Variants in PCDH15 observed in about 807,000 individuals in gnomAD.
PCDH15 encodes protocadherin related 15, also known as protocadherin-15.
PCDH15 carries 129 observed loss-of-function variants against 178.5 expected under a neutral mutation model. The ratio of observed to expected loss-of-function variants is 0.72; its 90% confidence interval spans 0.63 to 0.84. The LOEUF (loss-of-function observed/expected upper bound fraction) is 0.84. Among genes scored for constraint, PCDH15 ranks in the 40% least tolerant of loss-of-function variants. The pLI is 0.00. For missense variants in PCDH15, 2,230 were observed against 2,099.9 expected (o/e 1.06, Z -1.21); for synonymous variants, 800 against 732.0 (o/e 1.09, Z -1.50).
chr10:53,891,203 T>G (rs2081533241), intron 26 of PCDH15, among the ~76,000 whole-genome samples: 1 of 152,218 alleles, frequency 6.6e-6, no homozygotes, highest in Non-Finnish European at 1.5e-5. Context: ...AATTTTTATT[T>G]GCCCAATTTA....
intron 1 of PCDH15, among the ~76,000 whole-genome samples, chr10:55,249,873 C>T (rs888665740): frequency 1.3e-5 from 2 of 151,638 alleles, no homozygotes; most frequent in African/African-American, 4.8e-5. Flanking sequence ...AAAGAAAGTG[C>T]AGATTTTAGA....
intron 3 of PCDH15, among the ~76,000 whole-genome samples, chr10:54,485,258 A>G (rs1206584714): frequency 2.0e-5 from 3 of 151,858 alleles, no homozygotes; most frequent in African/African-American, 7.2e-5. Flanking sequence ...AGAAACTTTC[A>G]TTTTACCCTA....
At chr10:55,343,858 G>GA (rs1185597627) in intron 2 of PCDH15, among the ~76,000 whole-genome samples, 3 of 151,968 alleles carry the variant, frequency 2.0e-5, no homozygotes, top group Non-Finnish European at 4.4e-5. Flanking sequence ...TAGAAAAACA[G>GA]AAAAAAACTC....
chr10:54,370,580 G>A (rs1947507740), intron 4 of PCDH15, among the ~76,000 whole-genome samples: 1 of 151,668 alleles, frequency 6.6e-6, no homozygotes, highest in Non-Finnish European at 1.5e-5. Context: ...GTATGATCCA[G>A]GAAAAAGTAC....
At chr10:55,057,980 A>C (rs1039666811) in intron 2 of PCDH15, among the ~76,000 whole-genome samples, 2 of 151,974 alleles carry the variant, frequency 1.3e-5, no homozygotes, top group Non-Finnish European at 2.9e-5. Context: ...TGTTTTATTA[A>C]CTTGGGCCTT....
rs1448450488 is a variant in PCDH15 at position 55,159,911 on chromosome 10, A to G, written c.-80+6665T>C. On this transcript the variant is annotated intron_variant, in intron 2 of 5. Transcript: ENST00000458638. ...GGTTATATTTATTAAGGTGAAAAATAAATATATGAAGTAGTTTGCCTAAAA... is the reference window on the plus strand; with the variant it reads ...GGTTATATTTATTAAGGTGAAAAATGAATATATGAAGTAGTTTGCCTAAAA... 3.3e-5 allele frequency among the ~76,000 whole-genome samples: 5 copies of G among 151,570 alleles called. No individual in the cohort carries two copies. The East Asian group carries it at 9.7e-4, about 29-fold the overall frequency.
intron 3 of PCDH15, among the ~76,000 whole-genome samples, chr10:54,896,642 G>A (rs1460969570): frequency 6.6e-6 from 1 of 151,994 alleles, no homozygotes; most frequent in Non-Finnish European, 1.5e-5. Flanking sequence ...CCAGGGCCTT[G>A]AAGATTGACA....
intron 28 of PCDH15, among the ~76,000 whole-genome samples, chr10:53,856,887 A>G (rs1289982990): frequency 6.6e-6 from 1 of 152,124 alleles, no homozygotes; most frequent in Non-Finnish European, 1.5e-5. Flanking sequence ...TTTATAAATG[A>G]GAGTCAACAA....
At chr10:54,542,932 T>C (rs1451268220) in intron 2 of PCDH15, among the ~76,000 whole-genome samples, 1 of 151,922 alleles carries the variant, frequency 6.6e-6, no homozygotes, top group Non-Finnish European at 1.5e-5. Flanking sequence ...CAAATACAGG[T>C]GGATGTGGTG....
chr10:54,262,732 G>C (rs2057404366), intron 8 of PCDH15, among the ~76,000 whole-genome samples: 1 of 152,112 alleles, frequency 6.6e-6, no homozygotes. Context: ...CATGGGAGCT[G>C]GACACCCCTC....
chr10:54,385,292 A>C (rs1411030066), intron 3 of PCDH15, among the ~76,000 whole-genome samples: 1 of 152,132 alleles, frequency 6.6e-6, no homozygotes, highest in Admixed American at 6.6e-5. Flanking sequence ...GTAAACAATA[A>C]GGCAAAATTA....
chr10:55,473,383 A>G (rs1840003475), intron 2 of PCDH15, among the ~76,000 whole-genome samples: 1 of 152,164 alleles, frequency 6.6e-6, no homozygotes, highest in Non-Finnish European at 1.5e-5. Flanking sequence ...CTTTAACAAA[A>G]AGACCACAAG....
At chr10:54,320,478 A>C (rs12770667) in intron 7 of PCDH15, among the ~76,000 whole-genome samples, 39,365 of 151,930 alleles carry the variant, frequency 0.26, 6,390 homozygotes, top group Middle Eastern at 0.38. Flanking sequence ...ATGTGAGATA[A>C]TTTTGGTGGT....
intron 2 of PCDH15, among the ~76,000 whole-genome samples, chr10:54,986,020 CT>C (rs1443473071): frequency 3.9e-5 from 6 of 152,162 alleles, no homozygotes; most frequent in African/African-American, 1.4e-4. Context: ...TTAAAATCCT[CT>C]GTGGAATTTC....
intron 2 of PCDH15, among the ~76,000 whole-genome samples, chr10:55,528,752 C>T (rs956887556): frequency 2.0e-5 from 3 of 152,112 alleles, no homozygotes; most frequent in East Asian, 1.9e-4. Context: ...AGTATTGAGA[C>T]GGCTGGGTCA....
chr10:54,236,996 A>G (rs929929971), intron 8 of PCDH15, 65 bp from the exon 9 acceptor site: 4 of 1,343,382 alleles, frequency 3.0e-6, no homozygotes, highest in Non-Finnish European at 4.3e-6. Context: ...GGATTGAGAC[A>G]GATGCTTTAG....
chr10:54,309,363 T>C (rs1200843225), intron 8 of PCDH15, among the ~76,000 whole-genome samples: 1 of 151,200 alleles, frequency 6.6e-6, no homozygotes, highest in East Asian at 1.9e-4. Context: ...ACACTTCACA[T>C]ATGTACCTTT....
At chr10:54,314,689 C>T (rs1313192688) in intron 8 of PCDH15, among the ~76,000 whole-genome samples, 4 of 152,064 alleles carry the variant, frequency 2.6e-5, no homozygotes, top group African/African-American at 9.7e-5. Context: ...TCTCCTCCTA[C>T]CTTCCAACCT....
chr10:55,178,847 C>T (rs553482065), intron 1 of PCDH15, among the ~76,000 whole-genome samples: 1 of 152,068 alleles, frequency 6.6e-6, no homozygotes, highest in Non-Finnish European at 1.5e-5. Flanking sequence ...TCCTGAATGC[C>T]CATGGGATTA....
Sources: gnomAD v4.1 joint callset for allele counts (sites outside exome capture counted in the v4.1 genomes callset) on GRCh38, gnomAD v4.1.1 for gene constraint, MANE v1.5 for transcripts, NCBI Gene and HGNC (gene_info 2026-07-23, HGNC 2026-07-21) for gene names.